DHRS12: variants seen among roughly 807,000 people sequenced by gnomAD.
DHRS12 encodes dehydrogenase/reductase 12.
A neutral mutation model predicts 32.1 loss-of-function variants in DHRS12; 29 were observed. The ratio of observed to expected loss-of-function variants is 0.90; its 90% CI spans 0.67 to 1.23. The LOEUF (loss-of-function observed/expected upper bound fraction) is 1.23. Among genes scored for constraint, DHRS12 ranks in the 50% most tolerant of loss-of-function variants. The pLI is 0.00. For synonymous variants in DHRS12, 150 were observed against 135.9 expected (o/e 1.10, Z -0.72); for missense variants, 330 against 337.2 (o/e 0.98, Z 0.17).
At chr13:51,762,911 C>T in the DHRS12 span, 4 of 152,212 alleles carry the variant, frequency 2.6e-5, no homozygotes, top group Non-Finnish European at 5.9e-5. Flanking sequence ...CATTACTTGA[C>T]ATTACTGCCT....
chr13:51,795,917 C>T (rs1287878749), intron 2 of DHRS12, among the ~76,000 whole-genome samples: 1 of 152,146 alleles, frequency 6.6e-6, no homozygotes, highest in Non-Finnish European at 1.5e-5. Context: ...GGCGGCCAGG[C>T]CCAGGGCAGG....
intron 2 of DHRS12, 73 bp from the exon 3 acceptor site, chr13:51,791,330 G>A: frequency 3.3e-6 from 3 of 915,222 alleles, no homozygotes; most frequent in South Asian, 3.9e-5. Context: ...TTTTAAAAAA[G>A]TATACGGTTT....
chr13:51,773,680 G>T (rs1954157602), intron 6 of DHRS12, among the ~76,000 whole-genome samples: 4 of 152,084 alleles, frequency 2.6e-5, no homozygotes. Context: ...CCTGTTCTGT[G>T]TGGGTCTGAG....
chr13:51,802,480 A>G (rs1157688233), intron 1 of DHRS12, among the ~76,000 whole-genome samples: 1 of 152,196 alleles, frequency 6.6e-6, no homozygotes, highest in African/African-American at 2.4e-5. Context: ...GCTGGCAGGT[A>G]TCTGTGTCTC....
downstream of DHRS12, chr13:51,764,501 C>CAA (rs764544401): frequency 6.5e-6 from 1 of 153,042 alleles, no homozygotes; most frequent in African/African-American, 2.4e-5. Context: ...CCAGGGATCA[C>CAA]AAGTGGGCTG....
chr13:51,778,319 A>G (rs1954544088), intron 4 of DHRS12, among the ~76,000 whole-genome samples: 1 of 152,226 alleles, frequency 6.6e-6, no homozygotes, highest in Non-Finnish European at 1.5e-5. Context: ...TTGCTGTATT[A>G]TCATTTGTGA....
chr13:51,797,941 A>C, intron 2 of DHRS12: 2 of 1,531,074 alleles, frequency 1.3e-6, no homozygotes, highest in Non-Finnish European at 1.8e-6. Flanking sequence ...TCTGTGAGTT[A>C]CAGCGAGAGC....
At chr13:51,759,719 ATCT>A in the DHRS12 span, 4 of 1,613,762 alleles carry the variant, frequency 2.5e-6, no homozygotes, top group East Asian at 2.2e-5. Flanking sequence ...TTCATTCTGT[ATCT>A]TCTTTTTCTT....
chr13:51,773,419 T>C (rs1473174794), intron 6 of DHRS12, among the ~76,000 whole-genome samples: 1 of 152,110 alleles, frequency 6.6e-6, no homozygotes, highest in Non-Finnish European at 1.5e-5. Flanking sequence ...GCACTCAAGA[T>C]GATTTGGATT....
chr13:51,768,270 G>C lies in DHRS12; in HGVS notation c.724C>G (p.Pro242Ala). The change falls in exon 9 of 9, where the codon CCT (proline) becomes GCT (alanine). Residue 242 changes from proline (P) to alanine (A), a missense_variant. By Grantham distance (27) the Pro-to-Ala change is conservative. Coordinates refer to ENST00000444610, the MANE Select transcript of DHRS12 (RefSeq NM_001377533.1). ...QDRKPVSTHL[P>A]LATASSSPAE... ...GGTGAGGAGGACGCTGTAGCGAGAG[G>C]CAAGTGTGTAGAAACTGGCTTCCGA... 6.5e-7 allele frequency: 1 copy of C among 1,536,102 alleles called. No homozygotes were observed. Among genetic ancestry groups the C allele is most frequent in the Non-Finnish European group, 8.7e-7 (1 of 1,146,910 alleles).
At chr13:51,777,610 AATATAC>A (rs1480240890) in intron 4 of DHRS12, among the ~76,000 whole-genome samples, 2 of 152,350 alleles carry the variant, frequency 1.3e-5, no homozygotes, top group Middle Eastern at 3.4e-3. Flanking sequence ...TCAATCAAGA[AATATAC>A]ATATAACATT....
chr13:51,786,494 G>A (rs1954962923), intron 4 of DHRS12, among the ~76,000 whole-genome samples: 1 of 152,154 alleles, frequency 6.6e-6, no homozygotes, highest in Non-Finnish European at 1.5e-5. Context: ...CCCAACAGAA[G>A]CTGTCTCCTG....
At chr13:51,758,259 A>G in the DHRS12 span, 1 of 1,602,740 alleles carries the variant, frequency 6.2e-7, no homozygotes, top group African/African-American at 1.3e-5. Flanking sequence ...CGATGCAACC[A>G]GAGGATGGTT....
At chr13:51,758,480 G>A in the DHRS12 span, among the ~76,000 whole-genome samples, 1 of 150,580 alleles carries the variant, frequency 6.6e-6, no homozygotes, top group African/African-American at 2.4e-5. Context: ...GAGTCCAGGA[G>A]TTGAAGGCTA....
At chr13:51,759,007 C>A in the DHRS12 span, among the ~76,000 whole-genome samples, 1 of 152,068 alleles carries the variant, frequency 6.6e-6, no homozygotes, top group Non-Finnish European at 1.5e-5. Context: ...CATAGTGTGA[C>A]CCTGTCTTAA....
intron 1 of DHRS12, 54 bp from the exon 2 acceptor site, chr13:51,799,721 C>T (rs1049970447): frequency 1.3e-6 from 2 of 1,593,932 alleles, no homozygotes; most frequent in Non-Finnish European, 1.7e-6. Context: ...GGAACACAAA[C>T]CCCTGCAGGA....
chr13:51,797,798 C>T, intron 2 of DHRS12: 1 of 1,533,464 alleles, frequency 6.5e-7, no homozygotes, highest in South Asian at 1.2e-5. Context: ...GCAAGGAAAC[C>T]CAGCAGGAGG....
intron 6 of DHRS12, 144 bp from the exon 7 acceptor site, chr13:51,772,055 A>C: frequency 9.5e-6 from 7 of 733,216 alleles, no homozygotes; most frequent in African/African-American, 1.8e-5. Context: ...CTCCTCCAAA[A>C]TCAGTCTTTA....
At chr13:51,755,267 C>G in the DHRS12 span, 1 of 1,207,760 alleles carries the variant, frequency 8.3e-7, no homozygotes, top group Non-Finnish European at 1.2e-6. Flanking sequence ...TTAAACACAT[C>G]CTGATAGCTC....
Sources: gnomAD v4.1 joint callset for allele counts (sites outside exome capture counted in the v4.1 genomes callset) on GRCh38, gnomAD v4.1.1 for gene constraint, MANE v1.5 for transcripts, NCBI Gene and HGNC (gene_info 2026-07-23, HGNC 2026-07-21) for gene names.